The following KIAA0825 variants were observed in gnomAD, a reference collection of about 807,000 sequenced individuals.
KIAA0825 encodes the protein uncharacterized protein KIAA0825.
Under a neutral mutation model 147.6 loss-of-function variants are expected in KIAA0825, and 119 were observed. The ratio of observed to expected loss-of-function variants is 0.81; its 90% CI spans 0.69 to 0.94. The LOEUF (loss-of-function observed/expected upper bound fraction) is 0.94. Among genes scored for constraint, KIAA0825 ranks in the 40% least tolerant of loss-of-function variants. The probability of loss-of-function intolerance (pLI) is 0.00; values close to 1 mark genes in which losing one functional copy is unlikely to be tolerated. For synonymous variants in KIAA0825, 470 were observed against 518.1 expected (o/e 0.91, Z 1.26); for missense variants, 1,381 against 1,472.7 (o/e 0.94, Z 1.02).
intron 5 of KIAA0825, among the ~76,000 whole-genome samples, chr5:94,493,644 A>G (rs1036400395): frequency 1.3e-5 from 2 of 151,946 alleles, no homozygotes; most frequent in Admixed American, 6.6e-5. Context: ...ATCTGCCACC[A>G]CGCCCGGCTA....
At chr5:94,270,515 T>G (rs571219502) in intron 20 of KIAA0825, among the ~76,000 whole-genome samples, 1 of 152,120 alleles carries the variant, frequency 6.6e-6, no homozygotes, top group Non-Finnish European at 1.5e-5. Context: ...GAACATATTA[T>G]AAGGCCATAG....
At chr5:94,554,633 AG>A (rs1776170170) in intron 2 of KIAA0825, among the ~76,000 whole-genome samples, 3 of 149,928 alleles carry the variant, frequency 2.0e-5, no homozygotes, top group Admixed American at 1.3e-4. Flanking sequence ...CCTGGATTAA[AG>A]CTAAAATGGC....
chr5:94,546,047 G>A (rs1774292546), intron 2 of KIAA0825, among the ~76,000 whole-genome samples: 1 of 152,140 alleles, frequency 6.6e-6, no homozygotes, highest in Admixed American at 6.5e-5. Flanking sequence ...AAGAGCCCTT[G>A]GGCCCTATGG....
intron 20 of KIAA0825, among the ~76,000 whole-genome samples, chr5:94,279,445 G>A (rs1467162545): frequency 1.3e-5 from 2 of 152,044 alleles, no homozygotes; most frequent in Non-Finnish European, 2.9e-5. Context: ...GGTAAGAGGA[G>A]TGTTTAAATG....
chr5:94,405,937 T>C (rs1198643802), intron 15 of KIAA0825, among the ~76,000 whole-genome samples: 2 of 151,248 alleles, frequency 1.3e-5, no homozygotes, highest in East Asian at 3.9e-4. Context: ...TTTATTTTTA[T>C]TTTTTTTTGA....
At chr5:94,472,723 G>T (rs761587239) in intron 8 of KIAA0825, among the ~76,000 whole-genome samples, 11 of 152,066 alleles carry the variant, frequency 7.2e-5, no homozygotes, top group Admixed American at 3.9e-4. Context: ...CAGCCTGGGC[G>T]ACAGAGTGAG....
intron 1 of KIAA0825, chr5:94,615,833 T>C (rs1790304268): frequency 6.6e-6 from 1 of 152,162 alleles, no homozygotes; most frequent in East Asian, 1.9e-4. Flanking sequence ...TTATTTTTTA[T>C]TTTTTAGAGA....
At chr5:94,586,652 A>T (rs1388599602) in intron 1 of KIAA0825, among the ~76,000 whole-genome samples, 2 of 152,232 alleles carry the variant, frequency 1.3e-5, no homozygotes, top group South Asian at 4.1e-4. Context: ...AGACTATTCC[A>T]ATCAATAGAA....
chr5:94,255,597 T>A (rs17377080), intron 20 of KIAA0825, among the ~76,000 whole-genome samples: 1 of 151,990 alleles, frequency 6.6e-6, no homozygotes, highest in Admixed American at 6.6e-5. Context: ...TGGTTTTTAT[T>A]TTTTAAAATT....
chr5:94,154,918 A>T lies in KIAA0825; in HGVS notation c.3711-794T>A, dbSNP rs187483790. On this transcript the variant is annotated intron_variant, in intron 20 of 20. Transcript: ENST00000682413. ...AGCATTCTAACAGTTTCCTTCTCCT[A>T]TCCTCACTCTTATTTCTATCCCTAC... 4.6e-4 allele frequency among the ~76,000 whole-genome samples: 70 copies of T among 152,208 alleles called. 1 individual carries two copies. The highest frequency in any genetic ancestry group is 1.7e-3 in the African/African-American group (69 of 41,532).
rs1164400919 is a variant in KIAA0825, at chr5:94,606,741, G to T, written c.-153+11759C>A. Reference sequence around the variant, plus strand: ...TATTCAGCATCTAAAGGGACTTAAAGAAATTTACCAGAGAAAAACAAACAA... The same window carrying T: ...TATTCAGCATCTAAAGGGACTTAAATAAATTTACCAGAGAAAAACAAACAA... On this transcript the variant is annotated intron_variant, in intron 1 of 20. Coordinates refer to ENST00000682413, the MANE Select transcript of KIAA0825 (RefSeq NM_001145678.3). 4.6e-5 allele frequency among the ~76,000 whole-genome samples: 7 copies of T among 152,286 alleles called. No individual in the cohort carries two copies. In the East Asian group the frequency reaches 1.3e-3, roughly 29 times the overall value.
At chr5:94,227,752 C>T (rs1277534940) in intron 20 of KIAA0825, among the ~76,000 whole-genome samples, 1 of 151,724 alleles carries the variant, frequency 6.6e-6, no homozygotes, top group African/African-American at 2.4e-5. Flanking sequence ...TGTTCTCACT[C>T]ATAGGTGGGA....
At chr5:94,423,175 G>A (rs1562482703) in intron 14 of KIAA0825, among the ~76,000 whole-genome samples, 1 of 152,168 alleles carries the variant, frequency 6.6e-6, no homozygotes, top group Non-Finnish European at 1.5e-5. Flanking sequence ...ATTAAGTGGG[G>A]AGCTGGGGGG....
chr5:94,359,861 T>C (rs1378928881), intron 20 of KIAA0825, among the ~76,000 whole-genome samples: 1 of 152,248 alleles, frequency 6.6e-6, no homozygotes, highest in Non-Finnish European at 1.5e-5. Flanking sequence ...AATGGTGGGA[T>C]TTAAACTAGG....
chr5:94,404,550 G>A lies in KIAA0825; in HGVS notation c.2663-757C>T, dbSNP rs372065973. Among the ~76,000 whole-genome samples, 171 of 152,010 alleles carry A rather than the reference G, an allele frequency of 1.1e-3. 2 individuals are homozygous for A. Among genetic ancestry groups the A allele is most frequent in the African/African-American group, 3.9e-3 (163 of 41,476 alleles). ...TCCTTATCAGCAAAATGTTAGAGCC[G>A]GTTCCTAGATTGCCAAGACACATAG... On this transcript the variant is annotated intron_variant, in intron 15 of 20. Coordinates refer to ENST00000682413, the MANE Select transcript of KIAA0825 (RefSeq NM_001145678.3).
At chr5:94,223,181 T>G (rs901004934) in intron 20 of KIAA0825, among the ~76,000 whole-genome samples, 2 of 152,216 alleles carry the variant, frequency 1.3e-5, no homozygotes, top group African/African-American at 4.8e-5. Flanking sequence ...CTTTTAACTT[T>G]CGAAAGTTAA....
intron 20 of KIAA0825, among the ~76,000 whole-genome samples, chr5:94,304,883 A>G (rs1778628538): frequency 6.6e-6 from 1 of 151,984 alleles, no homozygotes; most frequent in African/African-American, 2.4e-5. Context: ...ATGAAACTAC[A>G]TTTGTTATTC....
At chr5:94,476,898 A>G (rs886472323) in intron 7 of KIAA0825, among the ~76,000 whole-genome samples, 1 of 152,090 alleles carries the variant, frequency 6.6e-6, no homozygotes, top group Non-Finnish European at 1.5e-5. Flanking sequence ...CCATCTCTCT[A>G]TTCCTCCCAT....
chr5:94,261,961 T>A (rs1383586426), intron 20 of KIAA0825, among the ~76,000 whole-genome samples: 1 of 151,958 alleles, frequency 6.6e-6, no homozygotes, highest in African/African-American at 2.4e-5. Flanking sequence ...ATAAAAATGA[T>A]AAAGGAAAAT....
Sources: gnomAD v4.1 joint callset for allele counts (sites outside exome capture counted in the v4.1 genomes callset) on GRCh38, gnomAD v4.1.1 for gene constraint, MANE v1.5 for transcripts, NCBI Gene and HGNC (gene_info 2026-07-23, HGNC 2026-07-21) for gene names.